The following LYST variants were observed in gnomAD, a reference collection of about 807,000 sequenced individuals.
LYST encodes the protein lysosomal trafficking regulator.
LYST carries 192 observed loss-of-function variants against 413.6 expected under a neutral mutation model. The observed-to-expected ratio is 0.46, with a 90% CI of 0.41 to 0.52. The LOEUF (loss-of-function observed/expected upper bound fraction) is 0.52. LYST is among the 20% of genes least tolerant of loss of function. The probability of loss-of-function intolerance (pLI) is 0.00; values close to 1 mark genes in which losing one functional copy is unlikely to be tolerated. For missense variants in LYST, 3,815 were observed against 4,499.9 expected (o/e 0.85, Z 4.35); for synonymous variants, 1,525 against 1,567.3 (o/e 0.97, Z 0.64).
At chr1:235,853,844 C>T (rs1473371285) in intron 1 of LYST, among the ~76,000 whole-genome samples, 1 of 152,108 alleles carries the variant, frequency 6.6e-6, no homozygotes, top group Non-Finnish European at 1.5e-5. Context: ...AAACTTAAGC[C>T]TTTCAACAGG....
intron 10 of LYST, among the ~76,000 whole-genome samples, chr1:235,799,450 G>T (rs1040738361): frequency 4.6e-5 from 7 of 152,120 alleles, no homozygotes; most frequent in Non-Finnish European, 1.0e-4. Context: ...ATCACCAGTA[G>T]TAAGATCCAG....
intron 46 of LYST, among the ~76,000 whole-genome samples, chr1:235,693,753 T>C (rs1326609697): frequency 2.6e-5 from 4 of 152,228 alleles, no homozygotes; most frequent in Non-Finnish European, 5.9e-5. Context: ...GTTAAGAAAT[T>C]ATTATAAAAG....
intron 23 of LYST, 25 bp downstream of exon 23, chr1:235,758,947 G>A (rs1419681972): frequency 6.2e-7 from 1 of 1,611,246 alleles, no homozygotes; most frequent in East Asian, 2.2e-5. Flanking sequence ...AAAGGTGGGA[G>A]GAGTGTACAA....
chr1:235,790,968 G>C (rs2103521489), intron 12 of LYST, among the ~76,000 whole-genome samples: 1 of 152,230 alleles, frequency 6.6e-6, no homozygotes, highest in South Asian at 2.1e-4. Context: ...GACCAACAGG[G>C]AGAAACCGCT....
At chr1:235,786,609 T>C (rs1384347256) in intron 14 of LYST, among the ~76,000 whole-genome samples, 4 of 152,114 alleles carry the variant, frequency 2.6e-5, no homozygotes, top group Non-Finnish European at 4.4e-5. Context: ...TGTATGTTTA[T>C]TGCGGCACTA....
chr1:235,872,016 C>T (rs902016403), intron 1 of LYST, among the ~76,000 whole-genome samples: 3 of 152,110 alleles, frequency 2.0e-5, no homozygotes. Flanking sequence ...TAACATGGGG[C>T]CAAGCACAGT....
chr1:235,751,947 A>G (rs1411451976), intron 27 of LYST, 58 bp downstream of exon 27: 1 of 1,197,262 alleles, frequency 8.4e-7, no homozygotes, highest in African/African-American at 1.5e-5. Flanking sequence ...TTGTGCTCAA[A>G]TAACAGGTTT....
At chr1:235,754,169 T>C (rs376535164) in intron 25 of LYST, among the ~76,000 whole-genome samples, 1 of 151,944 alleles carries the variant, frequency 6.6e-6, no homozygotes, top group African/African-American at 2.4e-5. Context: ...CGTTCCTATA[T>C]GGATCCTTTA....
chr1:235,730,815 G>GA, intron 36 of LYST, 32 bp downstream of exon 36: 1 of 1,229,420 alleles, frequency 8.1e-7, no homozygotes, highest in Non-Finnish European at 1.2e-6. Flanking sequence ...GTATATTCAT[G>GA]AAAGAGTGAA....
At chr1:235,745,663 C>G (rs1056860477) in intron 29 of LYST, among the ~76,000 whole-genome samples, 1 of 152,094 alleles carries the variant, frequency 6.6e-6, no homozygotes, top group Non-Finnish European at 1.5e-5. Context: ...AAACTGGAAA[C>G]AACCCAGATT....
At chr1:235,857,782 C>CATAT (rs1486758595) in intron 1 of LYST, among the ~76,000 whole-genome samples, 161 of 119,584 alleles carry the variant, frequency 1.3e-3, no homozygotes, top group African/African-American at 3.4e-3. Context: ...CACACACACA[C>CATAT]ACATATATAT....
At chr1:235,879,615 G>T (rs1455591919) in intron 1 of LYST, among the ~76,000 whole-genome samples, 1 of 152,206 alleles carries the variant, frequency 6.6e-6, no homozygotes, top group Non-Finnish European at 1.5e-5. Context: ...AATTAGAAAT[G>T]CCACTTTTAT....
At chr1:235,790,102 T>C (rs925566952) in intron 12 of LYST, among the ~76,000 whole-genome samples, 2 of 152,216 alleles carry the variant, frequency 1.3e-5, no homozygotes, top group Non-Finnish European at 2.9e-5. Context: ...AAATATGTTT[T>C]CTAATATATC....
chr1:235,770,294 C>T lies in LYST; in HGVS notation c.5788G>A (p.Gly1930Ser). ...DWKIWSKAEQ[G>S]VWETLLAALE... ...GCTGCTAGCAAAGTTTCCCAAACACCTTGCTGAAGAGATAAACACACACCA... is the reference window on the plus strand; with the variant it reads ...GCTGCTAGCAAAGTTTCCCAAACACTTTGCTGAAGAGATAAACACACACCA... Residue 1930 changes from glycine to serine, a missense_variant, in exon 20 of 53, where the codon GGT (glycine) becomes AGT (serine). This residue lies in a region of LYST where 530 missense variants were observed against 696.5 expected (regional missense o/e 0.76). Transcript: ENST00000389793. The T allele has an allele frequency of 6.2e-7, 1 of 1,613,678 alleles. No homozygotes were observed. Among genetic ancestry groups the T allele is most frequent in the Non-Finnish European group, 8.5e-7 (1 of 1,179,748 alleles).
At chr1:235,748,043 C>T (rs772173344) in intron 28 of LYST, among the ~76,000 whole-genome samples, 3 of 151,828 alleles carry the variant, frequency 2.0e-5, no homozygotes, top group Non-Finnish European at 2.9e-5. Context: ...GCTGAATAAA[C>T]GGATAAAGAA....
intron 1 of LYST, among the ~76,000 whole-genome samples, chr1:235,852,427 C>G (rs1255120544): frequency 6.6e-6 from 1 of 152,176 alleles, no homozygotes; most frequent in Admixed American, 6.5e-5. Flanking sequence ...GTAAGGCAAA[C>G]AGTAAGCCAG....
intron 36 of LYST, among the ~76,000 whole-genome samples, chr1:235,730,341 A>G (rs1664254452): frequency 6.6e-6 from 1 of 152,106 alleles, no homozygotes; most frequent in African/African-American, 2.4e-5. Context: ...TAACTGAGAC[A>G]GAGAGGTTAG....
chr1:235,822,573 C>A (rs1325145951), intron 3 of LYST, among the ~76,000 whole-genome samples: 1 of 152,148 alleles, frequency 6.6e-6, no homozygotes, highest in Non-Finnish European at 1.5e-5. Flanking sequence ...ATCAATTCAA[C>A]CCTGAGGTCA....
intron 39 of LYST, among the ~76,000 whole-genome samples, chr1:235,723,757 T>C (rs1003906997): frequency 6.6e-6 from 1 of 152,124 alleles, no homozygotes; most frequent in African/African-American, 2.4e-5. Flanking sequence ...CCGAAGGGAT[T>C]AGAGGTCAAG....
Sources: allele counts gnomAD v4.1 joint callset (sites outside exome capture counted in the v4.1 genomes callset), GRCh38; gene constraint gnomAD v4.1.1; regional missense constraint gnomAD v4.1.1; transcripts MANE v1.5; gene names NCBI Gene and HGNC (gene_info 2026-07-23, HGNC 2026-07-21).